The following ZFHX3 variants were observed in gnomAD, a reference collection of about 807,000 sequenced individuals.
The protein encoded by ZFHX3 is zinc finger homeobox protein 3.
ZFHX3 carries 42 observed loss-of-function variants against 279.1 expected under a neutral mutation model. The ratio of observed to expected loss-of-function variants is 0.15; its 90% CI spans 0.12 to 0.19. The LOEUF (loss-of-function observed/expected upper bound fraction) is 0.19, where lower values mean the gene tolerates loss of function less well. Ranked by LOEUF, ZFHX3 falls within the 10% of genes least tolerant of loss-of-function variation. The pLI, the probability that ZFHX3 is intolerant of heterozygous loss-of-function variation, is 1.00. For missense variants in ZFHX3, 4,981 were observed against 4,754.0 expected, an observed-to-expected ratio of 1.05 and a Z score of -1.40; for synonymous variants, 2,293 against 1,957.8, an observed-to-expected ratio of 1.17 and a Z score of -4.52.
In ZFHX3 at chr16:73,881,451, A is replaced by ACTCT. The variant is rs1226500279; in HGVS notation, c.-1608+10199_-1608+10200insAGAG. Among the ~76,000 whole-genome samples the ACTCT allele has an allele frequency of 3.5e-3, 276 of 79,814 alleles. 3 individuals are homozygous for ACTCT. The highest frequency in any genetic ancestry group is 0.016 in the African/African-American group (262 of 16,768). The allele number at this position is 79,814 out of a possible 152,430, so 52.4% of individuals were successfully genotyped here. ...ATCACACTCACACACACACACACACACACTCTCTCTCTCTCTCTCTCTCTC... is the reference window on the plus strand; with the variant it reads ...ATCACACTCACACACACACACACACACTCTCACTCTCTCTCTCTCTCTCTCTCTC... On this transcript the variant is annotated intron_variant, in intron 1 of 17. Transcript: ENST00000641206.
chr16:73,180,031 G>T (rs1331734775), intron 5 of ZFHX3, among the ~76,000 whole-genome samples: 1 of 152,178 alleles, frequency 6.6e-6, no homozygotes, highest in Non-Finnish European at 1.5e-5. Context: ...TCAATAGAAG[G>T]TGATAAATCA....
chr16:73,208,498 CAT>C (rs1425603265), intron 5 of ZFHX3, among the ~76,000 whole-genome samples: 1 of 152,078 alleles, frequency 6.6e-6, no homozygotes, highest in Admixed American at 6.5e-5. Flanking sequence ...ATGAAAATAA[CAT>C]GTTAATTTTC....
intron 1 of ZFHX3, among the ~76,000 whole-genome samples, chr16:73,831,671 G>A (rs1487325682): frequency 6.6e-6 from 1 of 152,162 alleles, no homozygotes; most frequent in Non-Finnish European, 1.5e-5. Context: ...ACTTTCTCTT[G>A]TAGAACTCTG....
intron 4 of ZFHX3, among the ~76,000 whole-genome samples, chr16:72,889,055 G>C (rs929041310): frequency 6.6e-6 from 1 of 151,990 alleles, no homozygotes. Flanking sequence ...GCGGAGTCAT[G>C]GGTGGAGGGA....
chr16:73,096,379 C>T (rs571297158), intron 7 of ZFHX3, among the ~76,000 whole-genome samples: 42 of 151,218 alleles, frequency 2.8e-4, no homozygotes, highest in Admixed American at 2.4e-3. Flanking sequence ...CAGAGGTCTT[C>T]GTATGCAATA....
At chr16:73,109,820 G>C (rs970371404) in intron 7 of ZFHX3, among the ~76,000 whole-genome samples, 2 of 151,520 alleles carry the variant, frequency 1.3e-5, no homozygotes, top group African/African-American at 4.9e-5. Flanking sequence ...CTGTACTCCA[G>C]ACTGGGCAAC....
upstream of ZFHX3, among the ~76,000 whole-genome samples, chr16:73,050,322 G>A (rs1160463728): frequency 2.0e-5 from 3 of 152,334 alleles, no homozygotes; most frequent in Non-Finnish European, 4.4e-5. Flanking sequence ...CCTGCAACCT[G>A]CCTCCTGCAC....
Position 73,264,756 on chromosome 16 carries a change from C to T in ZFHX3, c.-1193-7620G>A, listed in dbSNP as rs530518498. Among the ~76,000 whole-genome samples the T allele has an allele frequency of 2.6e-5, 4 of 151,974 alleles. No homozygotes were observed. The East Asian group carries it at 7.7e-4, about 29-fold the overall frequency. On this transcript the variant is annotated intron_variant, in intron 4 of 17. Transcript: ENST00000641206. ...CCTTCCCAAGCTTTCCCCCTGAGTC[C>T]CCAAAGTCCATTGTATCATTCTTAT...
intron 1 of ZFHX3, among the ~76,000 whole-genome samples, chr16:73,845,131 G>C (rs1352256505): frequency 6.6e-6 from 1 of 152,152 alleles, no homozygotes; most frequent in Non-Finnish European, 1.5e-5. Flanking sequence ...TGAGTTTGAA[G>C]TCATTTTGAA....
intron 3 of ZFHX3, among the ~76,000 whole-genome samples, chr16:72,926,589 T>C (rs964468270): frequency 3.9e-5 from 6 of 152,204 alleles, no homozygotes; most frequent in Non-Finnish European, 5.9e-5. Flanking sequence ...ATTGTTTTAA[T>C]ATGGGCATTA....
chr16:73,881,367 C>A (rs2030143955), intron 1 of ZFHX3, among the ~76,000 whole-genome samples: 1 of 150,590 alleles, frequency 6.6e-6, no homozygotes, highest in African/African-American at 2.4e-5. Context: ...ATTTCCAGGG[C>A]AGAATTCATG....
chr16:73,302,557 C>T (rs771372500), intron 4 of ZFHX3, among the ~76,000 whole-genome samples: 12 of 152,200 alleles, frequency 7.9e-5, no homozygotes, highest in Non-Finnish European at 1.8e-4. Flanking sequence ...ATCATGACTC[C>T]GAATACCCTA....
At chr16:73,410,456 C>G (rs1024554319) in intron 3 of ZFHX3, among the ~76,000 whole-genome samples, 19 of 152,022 alleles carry the variant, frequency 1.2e-4, no homozygotes, top group Non-Finnish European at 2.5e-4. Context: ...TACAAGAGTA[C>G]GATTGAATTG....
intron 1 of ZFHX3, among the ~76,000 whole-genome samples, chr16:73,847,778 C>T (rs993143728): frequency 1.3e-5 from 2 of 151,992 alleles, no homozygotes; most frequent in Admixed American, 1.3e-4. Flanking sequence ...CCCTCTATTG[C>T]CCAGGGTGGA....
At chr16:73,254,241 A>C (rs959072079) in intron 5 of ZFHX3, among the ~76,000 whole-genome samples, 7 of 152,120 alleles carry the variant, frequency 4.6e-5, no homozygotes, top group Admixed American at 3.9e-4. Context: ...TTCTTACCGG[A>C]TCCATCCTTC....
At chr16:73,233,866 C>T (rs1267594046) in intron 5 of ZFHX3, 2 of 152,154 alleles carry the variant, frequency 1.3e-5, no homozygotes, top group African/African-American at 4.8e-5. Flanking sequence ...TTTAATTTCA[C>T]ATTGCTTCCT....
At chr16:72,972,296 C>G (rs769765564) in intron 1 of ZFHX3, among the ~76,000 whole-genome samples, 36 of 152,192 alleles carry the variant, frequency 2.4e-4, no homozygotes, top group Non-Finnish European at 4.3e-4. Flanking sequence ...GAGTTCCTAC[C>G]AGTCCACCAT....
chr16:73,114,312 G>C (rs913022773), intron 7 of ZFHX3, among the ~76,000 whole-genome samples: 20 of 150,498 alleles, frequency 1.3e-4, no homozygotes, highest in African/African-American at 4.8e-4. Flanking sequence ...TTGAAGATAA[G>C]TTGGAATTTT....
intron 3 of ZFHX3, among the ~76,000 whole-genome samples, chr16:73,350,958 C>T (rs988786240): frequency 2.6e-5 from 4 of 152,160 alleles, no homozygotes; most frequent in African/African-American, 9.7e-5. Context: ...GGATCCAAAC[C>T]CATGCACCGG....
Sources: allele counts gnomAD v4.1 joint callset (sites outside exome capture counted in the v4.1 genomes callset), GRCh38; gene constraint gnomAD v4.1.1; transcripts MANE v1.5; gene names NCBI Gene and HGNC (gene_info 2026-07-23, HGNC 2026-07-21).